Variants in AGMO observed in about 807,000 individuals in gnomAD.
AGMO encodes alkylglycerol monooxygenase.
In AGMO, 75 loss-of-function variants were observed where a neutral mutation model predicts 60.2. The observed-to-expected ratio is 1.25, with a 90% CI of 1.03 to 1.51. The LOEUF is 1.51. Ranked by LOEUF, AGMO falls within the 40% of genes most tolerant of loss-of-function variation. The probability of loss-of-function intolerance (pLI) is 0.00; values close to 1 mark genes in which losing one functional copy is unlikely to be tolerated. For synonymous variants in AGMO, 261 were observed against 177.1 expected (o/e 1.47, Z -3.76); for missense variants, 763 against 525.5 (o/e 1.45, Z -4.42).
At chr7:15,121,985 A>T in the AGMO span, among the ~76,000 whole-genome samples, 23 of 152,334 alleles carry the variant, frequency 1.5e-4, no homozygotes, top group African/African-American at 4.3e-4. Flanking sequence ...ACCATTCAGG[A>T]CATATGCATG....
At chr7:15,376,952 A>G (rs1783481874) in intron 10 of AGMO, among the ~76,000 whole-genome samples, 1 of 152,030 alleles carries the variant, frequency 6.6e-6, no homozygotes, top group East Asian at 1.9e-4. Context: ...TTGACTCCCA[A>G]AGTTATTTAT....
chr7:15,390,588 C>G, intron 8 of AGMO, 83 bp downstream of exon 8: 2 of 1,163,340 alleles, frequency 1.7e-6, no homozygotes, highest in Non-Finnish European at 2.4e-6. Flanking sequence ...TATACTTTCA[C>G]TTTTCTACAG....
chr7:15,486,503 A>C (rs768330792), intron 3 of AGMO, among the ~76,000 whole-genome samples: 26 of 152,206 alleles, frequency 1.7e-4, no homozygotes, highest in Non-Finnish European at 3.8e-4. Flanking sequence ...CTGAATAATT[A>C]CATAAGAGAA....
chr7:15,362,840 G>A lies in AGMO; in HGVS notation c.1263+2674C>T, dbSNP rs1044590965. Among the ~76,000 whole-genome samples the A allele has an allele frequency of 5.9e-5, 9 of 152,218 alleles. No individual in the cohort carries two copies. The South Asian group carries it at 6.2e-4, about 11-fold the overall frequency. The stretch of plus-strand genomic sequence containing the variant: ...TCTTTACATTTTCCAAGCTACTTTT[G>A]CTATATTTTGCCACAAGGCTTGAGG... On this transcript the variant is annotated intron_variant, in intron 12 of 12. Transcript: ENST00000342526.
chr7:15,543,330 C>A (rs1199993111), intron 3 of AGMO, among the ~76,000 whole-genome samples: 1 of 152,178 alleles, frequency 6.6e-6, no homozygotes, highest in Non-Finnish European at 1.5e-5. Context: ...GAGGTTCAGA[C>A]CTAGATTTGT....
intron 12 of AGMO, among the ~76,000 whole-genome samples, chr7:15,290,215 G>T (rs1206802025): frequency 6.6e-6 from 1 of 151,932 alleles, no homozygotes; most frequent in African/African-American, 2.4e-5. Context: ...TTTCAGTACA[G>T]ATGGGGTTTC....
At chr7:15,143,478 A>C in the AGMO span, among the ~76,000 whole-genome samples, 11 of 152,228 alleles carry the variant, frequency 7.2e-5, no homozygotes, top group Admixed American at 3.9e-4. Flanking sequence ...GCCAACATCT[A>C]ACTAACTGAA....
chr7:15,457,030 G>A (rs1166879603), intron 3 of AGMO, among the ~76,000 whole-genome samples: 1 of 152,030 alleles, frequency 6.6e-6, no homozygotes, highest in East Asian at 1.9e-4. Flanking sequence ...TTTTTCTATT[G>A]TAAACTAGGA....
chr7:15,431,529 G>C (rs1781240267), intron 3 of AGMO, among the ~76,000 whole-genome samples: 1 of 151,754 alleles, frequency 6.6e-6, no homozygotes, highest in Non-Finnish European at 1.5e-5. Context: ...TCTGATGGGA[G>C]AAATTGGTAT....
At chr7:15,371,727 G>A (rs1562466165) in intron 10 of AGMO, among the ~76,000 whole-genome samples, 1 of 151,316 alleles carries the variant, frequency 6.6e-6, no homozygotes, top group African/African-American at 2.4e-5. Flanking sequence ...TTTTTTTGTA[G>A]AGATGGGTTT....
At position 15,330,942 on chromosome 7, in the gene AGMO, C is replaced by T. The variant is rs114885117; in HGVS notation, c.1263+34572G>A. 9.5e-3 allele frequency among the ~76,000 whole-genome samples: 1,440 copies of T among 152,136 alleles called. 16 individuals carry two copies. The highest frequency in any genetic ancestry group is 0.033 in the African/African-American group (1,374 of 41,498). ...TGAATTGGGACTAGGTTTGTGTGAC[C>T]TACAGAATATCATGGAAGTGATCTT... On this transcript the variant is annotated intron_variant, in intron 12 of 12. Transcript: ENST00000342526.
chr7:15,430,300 G>T (rs556769479), intron 4 of AGMO, among the ~76,000 whole-genome samples: 1 of 151,634 alleles, frequency 6.6e-6, no homozygotes. Flanking sequence ...CTGATTTTAC[G>T]CATCAGTTAC....
chr7:15,276,464 A>T (rs569918728), intron 12 of AGMO, among the ~76,000 whole-genome samples: 2 of 151,604 alleles, frequency 1.3e-5, no homozygotes, highest in Admixed American at 1.3e-4. Flanking sequence ...TGCTTTTAAG[A>T]TTTTTTTTCT....
At chr7:15,298,395 CTGTG>C (rs1300426016) in intron 12 of AGMO, among the ~76,000 whole-genome samples, 1 of 151,880 alleles carries the variant, frequency 6.6e-6, no homozygotes, top group African/African-American at 2.4e-5. Context: ...TCTTGTGTGT[CTGTG>C]TGTGTTTGTT....
intron 4 of AGMO, among the ~76,000 whole-genome samples, chr7:15,421,231 C>T (rs185583064): frequency 4.6e-4 from 70 of 152,192 alleles, no homozygotes; most frequent in Middle Eastern, 3.4e-3. Context: ...GCCATTATAA[C>T]AACGTGTGAG....
At chr7:15,354,496 G>GTATATATATA (rs60044874) in intron 12 of AGMO, among the ~76,000 whole-genome samples, 8 of 18,768 alleles carry the variant, frequency 4.3e-4, no homozygotes, top group Non-Finnish European at 6.5e-4. Context: ...ATACACACGT[G>GTATATATATA]TATATATATA....
chr7:15,394,210 G>C, intron 5 of AGMO, 31 bp from the exon 6 acceptor site: 1 of 1,422,976 alleles, frequency 7.0e-7, no homozygotes, highest in East Asian at 2.3e-5. Context: ...ATTTATACAT[G>C]TAGTTATCAT....
At chr7:15,285,982 C>T (rs1213349529) in intron 12 of AGMO, among the ~76,000 whole-genome samples, 2 of 151,988 alleles carry the variant, frequency 1.3e-5, no homozygotes, top group East Asian at 3.9e-4. Flanking sequence ...GGAAAGGACA[C>T]CTTATTTAAT....
intron 3 of AGMO, among the ~76,000 whole-genome samples, chr7:15,442,934 GGCCATCAACAA>G (rs1781598858): frequency 6.6e-6 from 1 of 152,184 alleles, no homozygotes; most frequent in Non-Finnish European, 1.5e-5. Flanking sequence ...GCAGGCAGCA[GGCCATCAACAA>G]GCAGAATGAT....
Sources: allele counts gnomAD v4.1 joint callset (sites outside exome capture counted in the v4.1 genomes callset), GRCh38; gene constraint gnomAD v4.1.1; transcripts MANE v1.5; gene names NCBI Gene and HGNC (gene_info 2026-07-23, HGNC 2026-07-21).